Variants in NOL3 observed in about 807,000 individuals in gnomAD.
The protein encoded by NOL3 is nucleolar protein 3.
In NOL3, 18 loss-of-function variants were observed where a neutral mutation model predicts 19.2. The observed-to-expected ratio is 0.94, with a 90% CI of 0.65 to 1.39. The LOEUF is 1.39. Among genes scored for constraint, NOL3 ranks in the 40% most tolerant of loss-of-function variants. The pLI, the probability that NOL3 is intolerant of heterozygous loss-of-function variation, is 0.00. For synonymous variants in NOL3, 127 were observed against 137.3 expected, an observed-to-expected ratio of 0.93 and a Z score of 0.52; for missense variants, 290 against 289.5, an observed-to-expected ratio of 1.00 and a Z score of -0.01.
At chr16:67,174,095 G>C in intron 1 of NOL3, 67 bp from the exon 2 acceptor site, 21 of 1,597,052 alleles carry the variant, frequency 1.3e-5, no homozygotes, top group Non-Finnish European at 1.8e-5. Flanking sequence ...TTGAGGGAGT[G>C]GTCAGAGGCG....
intron 1 of NOL3, chr16:67,173,828 A>G: frequency 6.6e-7 from 1 of 1,514,970 alleles, no homozygotes; most frequent in Non-Finnish European, 8.8e-7. Flanking sequence ...CCGGGGGTGG[A>G]GCTCAGGACG....
chr16:67,171,250 G>C (rs1354713774), intron 1 of NOL3: 1 of 152,280 alleles, frequency 6.6e-6, no homozygotes, highest in African/African-American at 2.4e-5. Flanking sequence ...ACAGTGCAAT[G>C]ATGTCAGTTA....
chr16:67,175,294 A>T (rs1384011373), exon 4 of NOL3: 2 of 1,422,270 alleles, frequency 1.4e-6, no homozygotes, highest in Non-Finnish European at 9.2e-7. Flanking sequence ...CACGAGCATC[A>T]TCCAGTCCTC....
At chr16:67,175,012 C>A in intron 3 of NOL3, 35 bp from the exon 4 acceptor site, 1 of 1,613,192 alleles carries the variant, frequency 6.2e-7, no homozygotes, top group Non-Finnish European at 8.5e-7. Context: ...GATGCCGGAC[C>A]CCACCTCTTT....
intron 2 of NOL3, 55 bp from the exon 3 acceptor site, chr16:67,174,566 G>A (rs776358403): frequency 4.0e-6 from 6 of 1,506,260 alleles, no homozygotes; most frequent in Non-Finnish European, 5.3e-6. Context: ...AAGTAGGCGA[G>A]TGTGAAACCG....
Position 67,170,803 on chromosome 16 carries a change from C to T in NOL3, c.-9+229C>T, listed in dbSNP as rs2031702072. On this transcript the variant is annotated intron_variant, in intron 1 of 3. Transcript: ENST00000268605. This position sits in a 1 kb window ranked among gnomAD's most constrained non-coding sequence, Gnocchi z 5.7. ...CGGGGGGGGAAAATCCGTGCAGTCG[C>T]ACATGCGCAAAGGCTCTTCACTGTC... Among the ~76,000 whole-genome samples the T allele has an allele frequency of 6.6e-6, 1 of 152,298 alleles. No individual in the cohort carries two copies. Among genetic ancestry groups the T allele is most frequent in the African/African-American group, 2.4e-5 (1 of 41,562 alleles).
chr16:67,175,074 C>T (rs2032093372), exon 4 of NOL3: 2 of 1,614,120 alleles, frequency 1.2e-6, no homozygotes, highest in Non-Finnish European at 1.7e-6. Flanking sequence ...CTCTGACAGG[C>T]GGTGCCCCGC....
chr16:67,175,236 A>C lies in NOL3; in HGVS notation c.*182A>C. On this transcript the variant is annotated 3_prime_UTR_variant, in exon 4 of 4. Coordinates refer to ENST00000268605, the Ensembl canonical transcript of NOL3. ...ATTCTGGCTGTTTGCCCAGGAACTTAGGGTGGGTACCTCTGAGTCCCAGGG... is the reference window on the plus strand; with the variant it reads ...ATTCTGGCTGTTTGCCCAGGAACTTCGGGTGGGTACCTCTGAGTCCCAGGG... 2.7e-6 allele frequency: 4 copies of C among 1,496,996 alleles called. No homozygotes were observed. In the South Asian group the frequency reaches 4.0e-5, roughly 15 times the overall value. 92.7% of individuals were successfully genotyped at this position (1,496,996 alleles called of 1,614,324 possible). A position where few individuals can be genotyped will look rare whatever the true frequency, so the allele number is the denominator to read the frequency against.
Position 67,174,954 on chromosome 16 carries a change from C to G in NOL3, c.619+10C>G. On this transcript the variant is annotated intron_variant, in intron 3 of 3. Coordinates refer to ENST00000268605, the Ensembl canonical transcript of NOL3. ...AGGGACGAGTCCGAAGGTGTGAGTC[C>G]GCCCAAACCCTGAGCCGGCTTGGCG... The G allele has an allele frequency of 6.2e-7, 1 of 1,609,350 alleles. No individual in the cohort carries two copies. The highest frequency in any genetic ancestry group is 1.1e-5 in the South Asian group (1 of 90,738).
At chr16:67,174,885 T>C (rs1367457967) in exon 3 of NOL3, 12 of 1,613,130 alleles carry the variant, frequency 7.4e-6, no homozygotes, top group Non-Finnish European at 9.3e-6. Context: ...GAGCCGGAAC[T>C]GGAGCCAGAA....
At chr16:67,173,501 G>T (rs2031896011) in intron 1 of NOL3, among the ~76,000 whole-genome samples, 2 of 152,166 alleles carry the variant, frequency 1.3e-5, no homozygotes. Context: ...TCAGGGTCAA[G>T]GTAAGGGGAG....
intron 1 of NOL3, chr16:67,173,746 T>G: frequency 5.8e-6 from 5 of 863,452 alleles, no homozygotes; most frequent in Non-Finnish European, 8.7e-6. Context: ...TTCTGCCTGG[T>G]TAGGTGGGGA....
exon 3 of NOL3, chr16:67,174,700 C>T (rs2032042824): frequency 1.2e-6 from 2 of 1,603,170 alleles, no homozygotes; most frequent in Non-Finnish European, 1.7e-6. Flanking sequence ...CCACATGCCC[C>T]GGGTTGCCCA....
At chr16:67,173,557 G>A (rs2031899764) in intron 1 of NOL3, among the ~76,000 whole-genome samples, 1 of 152,152 alleles carries the variant, frequency 6.6e-6, no homozygotes, top group African/African-American at 2.4e-5. Context: ...GTTCAGAGGG[G>A]ACTGGAGGAT....
exon 3 of NOL3, chr16:67,174,828 A>C (rs2032059260): frequency 6.2e-7 from 1 of 1,603,750 alleles, no homozygotes; most frequent in African/African-American, 1.3e-5. Flanking sequence ...GCTGAACCGG[A>C]GCCGGAGCCA....
At chr16:67,175,253 G>T in exon 4 of NOL3, 1 of 1,469,748 alleles carries the variant, frequency 6.8e-7, no homozygotes. Context: ...GTACCTCTGA[G>T]TCCCAGGGAC....
rs143837129 is a variant in NOL3 at position 67,172,427 on chromosome 16, A to G, written c.-8-1735A>G. 2.8e-3 allele frequency among the ~76,000 whole-genome samples: 433 copies of G among 151,992 alleles called. 5 individuals carry two copies. The highest frequency in any genetic ancestry group is 0.024 in the Admixed American group (367 of 15,274). On this transcript the variant is annotated intron_variant, in intron 1 of 3. Coordinates refer to ENST00000268605, the Ensembl canonical transcript of NOL3. ...GGAGTTCGAGACCAGCCTAGCCAAC[A>G]TAGTGAAACCCCGTCTCAACTAAAA...
rs375114158 is a variant in NOL3, at chr16:67,174,955, G to A, written c.619+11G>A. On this transcript the variant is annotated intron_variant, in intron 3 of 3. Transcript: ENST00000268605. Reference sequence around the variant, plus strand: ...GGGACGAGTCCGAAGGTGTGAGTCCGCCCAAACCCTGAGCCGGCTTGGCGG... The same window carrying A: ...GGGACGAGTCCGAAGGTGTGAGTCCACCCAAACCCTGAGCCGGCTTGGCGG... The A allele has an allele frequency of 9.1e-5, 146 of 1,609,784 alleles. 1 individual carries two copies. In the South Asian group the frequency reaches 1.4e-3, roughly 16 times the overall value.
chr16:67,174,867 C>G, exon 3 of NOL3: 1 of 1,610,848 alleles, frequency 6.2e-7, no homozygotes, highest in Non-Finnish European at 8.5e-7. Flanking sequence ...GAGGCTGAAG[C>G]AGAACCAGAG....
Sources: allele counts gnomAD v4.1 joint callset (sites outside exome capture counted in the v4.1 genomes callset), GRCh38; gene constraint gnomAD v4.1.1; non-coding constraint Gnocchi (gnomAD v3.1); transcripts MANE v1.5; gene names NCBI Gene and HGNC (gene_info 2026-07-23, HGNC 2026-07-21).